Variants in SCML2 observed in about 807,000 individuals in gnomAD.
The protein encoded by SCML2 is Scm polycomb group protein like 2, also known as sex comb on midleg-like protein 2.
Under a neutral mutation model 48.4 loss-of-function variants are expected in SCML2, and 6 were observed. The observed-to-expected ratio is 0.12, with a 90% confidence interval of 0.07 to 0.24. SCML2 has a LOEUF of 0.24. Among genes scored for constraint, SCML2 ranks in the 10% least tolerant of loss-of-function variants. SCML2 has a pLI of 1.00. For synonymous variants in SCML2, 181 were observed against 189.5 expected, an observed-to-expected ratio of 0.95 and a Z score of 0.37; for missense variants, 377 against 528.2, an observed-to-expected ratio of 0.71 and a Z score of 2.81.
chrX:18,337,596 CAAG>C (rs1929873894), intron 1 of SCML2, among the ~76,000 whole-genome samples: 1 of 110,633 alleles, frequency 9.0e-6, no homozygotes, highest in South Asian at 3.8e-4. Flanking sequence ...ATATGCCTAA[CAAG>C]AGAGCATCAA....
At chrX:18,312,585 C>A (rs1252693267) in intron 6 of SCML2, among the ~76,000 whole-genome samples, 1 of 109,643 alleles carries the variant, frequency 9.1e-6, no homozygotes, top group South Asian at 4.0e-4. Flanking sequence ...CCCATAGATG[C>A]AGAACCCGAG....
At chrX:18,267,888 G>A (rs747832723) in intron 7 of SCML2, among the ~76,000 whole-genome samples, 7 of 111,141 alleles carry the variant, frequency 6.3e-5, no homozygotes, top group Non-Finnish European at 1.3e-4. Flanking sequence ...GAGCCACTGC[G>A]CCCAGCCCTT....
At chrX:18,315,036 C>T (rs1929073694) in intron 6 of SCML2, among the ~76,000 whole-genome samples, 1 of 91,052 alleles carries the variant, frequency 1.1e-5, no homozygotes, top group African/African-American at 4.2e-5. Context: ...AGGTTGCAGG[C>T]GGCAGTGAAG....
chrX:18,269,810 T>C (rs1804337049), intron 7 of SCML2, among the ~76,000 whole-genome samples: 1 of 111,276 alleles, frequency 9.0e-6, no homozygotes, highest in Non-Finnish European at 1.9e-5. Flanking sequence ...ATATTCTATA[T>C]AAAATAAGCA....
At chrX:18,265,385 C>T (rs1457034699) in intron 8 of SCML2, among the ~76,000 whole-genome samples, 200 bp downstream of exon 8, 1 of 112,273 alleles carries the variant, frequency 8.9e-6, no homozygotes, top group Non-Finnish European at 1.9e-5. Flanking sequence ...AGAAGTAGAA[C>T]ACTATAAAAA....
At chrX:18,271,618 G>A (rs1352342262) in intron 7 of SCML2, among the ~76,000 whole-genome samples, 4 of 109,389 alleles carry the variant, frequency 3.7e-5, no homozygotes, top group African/African-American at 1.0e-4. Context: ...GTATCCCCCC[G>A]TTATCCATAT....
intron 7 of SCML2, among the ~76,000 whole-genome samples, chrX:18,304,681 C>T (rs1415097472): frequency 8.9e-6 from 1 of 111,958 alleles, no homozygotes; most frequent in Admixed American, 9.4e-5. Flanking sequence ...GTACATACCA[C>T]CCCCCTTGCT....
intron 6 of SCML2, among the ~76,000 whole-genome samples, chrX:18,308,867 G>GA (rs1266592046): frequency 9.0e-6 from 1 of 111,080 alleles, no homozygotes; most frequent in African/African-American, 3.3e-5. Flanking sequence ...ACAAGCGTAT[G>GA]AAAAAAATGC....
chrX:18,321,968 G>T (rs752943300), intron 5 of SCML2, among the ~76,000 whole-genome samples: 1 of 111,433 alleles, frequency 9.0e-6, no homozygotes, highest in Non-Finnish European at 1.9e-5. Context: ...CAGGTCTTCT[G>T]GGGGGCTGAT....
At chrX:18,318,233 C>A (rs1929195953) in intron 6 of SCML2, among the ~76,000 whole-genome samples, 1 of 112,794 alleles carries the variant, frequency 8.9e-6, no homozygotes, top group African/African-American at 3.2e-5. Flanking sequence ...TAGGGCAAGT[C>A]CACTTTCTGC....
chrX:18,292,895 T>C (rs1411938832), intron 7 of SCML2, among the ~76,000 whole-genome samples: 1 of 111,729 alleles, frequency 9.0e-6, no homozygotes, highest in Non-Finnish European at 1.9e-5. Context: ...CTTCTTAGTA[T>C]AACTAGAAAC....
At chrX:18,334,191 TC>T (rs1377613268) in intron 1 of SCML2, 96 bp from the exon 2 acceptor site, 2 of 555,925 alleles carry the variant, frequency 3.6e-6, no homozygotes, top group African/African-American at 4.7e-5. Flanking sequence ...TTAATCTGTT[TC>T]CCTTAAACAA....
intron 7 of SCML2, among the ~76,000 whole-genome samples, chrX:18,277,883 T>C (rs1260542324): frequency 9.1e-6 from 1 of 110,362 alleles, no homozygotes; most frequent in Non-Finnish European, 1.9e-5. Flanking sequence ...AGAGGCCAAA[T>C]TAGCTGGGTG....
chrX:18,351,674 C>CAAA (rs58429855), intron 1 of SCML2, among the ~76,000 whole-genome samples: 1 of 80,591 alleles, frequency 1.2e-5, no homozygotes. Context: ...AATAACCAGG[C>CAAA]AAAAAAAAAA....
intron 5 of SCML2, among the ~76,000 whole-genome samples, chrX:18,322,520 G>A (rs1456001354): frequency 8.9e-6 from 1 of 112,225 alleles, no homozygotes; most frequent in Non-Finnish European, 1.9e-5. Flanking sequence ...GACAAAAGAC[G>A]TGAGTGAAAG....
chrX:18,353,436 G>A (rs1930436323), intron 1 of SCML2, among the ~76,000 whole-genome samples: 1 of 111,528 alleles, frequency 9.0e-6, no homozygotes, highest in African/African-American at 3.3e-5. Flanking sequence ...CTGTTTTAGG[G>A]AAAAAAACAA....
intron 7 of SCML2, among the ~76,000 whole-genome samples, chrX:18,282,996 GA>G (rs1222968417): frequency 4.6e-5 from 5 of 109,062 alleles, no homozygotes; most frequent in African/African-American, 1.7e-4. Flanking sequence ...ACATGACAAA[GA>G]AAAAAAAACT....
At chrX:18,257,315 G>A (rs1188035283) in intron 10 of SCML2, among the ~76,000 whole-genome samples, 2 of 111,697 alleles carry the variant, frequency 1.8e-5, no homozygotes, top group Non-Finnish European at 3.8e-5. Context: ...GGGTATGAAT[G>A]TTGTGGTGTC....
chrX:18,264,985 GT>G (rs1044494078), intron 8 of SCML2, among the ~76,000 whole-genome samples: 5 of 111,610 alleles, frequency 4.5e-5, no homozygotes, highest in African/African-American at 6.5e-5. Flanking sequence ...CAGATAAATT[GT>G]TGTTTTTCTA....
Sources: allele counts gnomAD v4.1 joint callset (sites outside exome capture counted in the v4.1 genomes callset), GRCh38; gene constraint gnomAD v4.1.1; transcripts MANE v1.5; gene names NCBI Gene and HGNC (gene_info 2026-07-23, HGNC 2026-07-21).